The following DET1 variants were observed in gnomAD, a reference collection of about 807,000 sequenced individuals.
The protein encoded by DET1 is DET1 partner of COP1 E3 ubiquitin ligase, also known as DET1 homolog.
Under a neutral mutation model 43.7 loss-of-function variants are expected in DET1, and 22 were observed. The ratio of observed to expected loss-of-function variants is 0.50; its 90% CI spans 0.36 to 0.72. The LOEUF (loss-of-function observed/expected upper bound fraction) is 0.72. DET1 is among the 30% of genes least tolerant of loss of function. The probability of loss-of-function intolerance (pLI) is 0.00; values close to 1 mark genes in which losing one functional copy is unlikely to be tolerated. For synonymous variants in DET1, 315 were observed against 266.2 expected, an observed-to-expected ratio of 1.18 and a Z score of -1.79; for missense variants, 713 against 713.3, an observed-to-expected ratio of 1.00 and a Z score of 0.00.
chr15:88,509,334 G>C (rs745532865), downstream of DET1, among the ~76,000 whole-genome samples: 1 of 152,214 alleles, frequency 6.6e-6, no homozygotes, highest in Non-Finnish European at 1.5e-5. Context: ...GAGGGGTTTT[G>C]AAGTGAGAGG....
rs75714837 is a variant in DET1, at chr15:88,513,061, G to T, written c.1543C>A (p.Arg515=). The T allele has an allele frequency of 0.056, 90,765 of 1,613,996 alleles. 2,954 individuals carry two copies. Among genetic ancestry groups the T allele is most frequent in the Non-Finnish European group, 0.066 (78,259 of 1,179,848 alleles). Reference sequence around the variant, plus strand: ...TGAAAGGTGAAGGCAACAAGGCGTCGCACTGTGTGGTTGATGGGGCGGCCC... The same window carrying T: ...TGAAAGGTGAAGGCAACAAGGCGTCTCACTGTGTGGTTGATGGGGCGGCCC... ...LLGRPINHTV[R]RLVAFTFHPF... is the part of the protein sequence containing the mutation. The change falls in exon 5 of 5, where the codon CGA becomes AGA. Residue 515 remains arginine, a synonymous_variant. Coordinates refer to ENST00000268148, the MANE Select transcript of DET1 (RefSeq NM_001144074.3).
At chr15:88,510,255 T>C (rs2056183361), downstream of DET1, among the ~76,000 whole-genome samples, 1 of 152,140 alleles carries the variant, frequency 6.6e-6, no homozygotes, top group African/African-American at 2.4e-5. Flanking sequence ...ATAGGATCAA[T>C]GGAATGTATG....
At chr15:88,535,832 G>T (rs1345601266) in intron 1 of DET1, among the ~76,000 whole-genome samples, 4 of 151,830 alleles carry the variant, frequency 2.6e-5, no homozygotes, top group African/African-American at 9.7e-5. Flanking sequence ...AAAGAAGAAA[G>T]GAAGGGAGAG....
At chr15:88,526,786 C>T (rs2056675027) in intron 3 of DET1, among the ~76,000 whole-genome samples, 1 of 152,154 alleles carries the variant, frequency 6.6e-6, no homozygotes, top group Admixed American at 6.5e-5. Context: ...AATAAACTTC[C>T]AGCCTTTTGC....
chr15:88,544,748 G>A (rs986040757), intron 1 of DET1, among the ~76,000 whole-genome samples: 9 of 152,068 alleles, frequency 5.9e-5, no homozygotes, highest in Non-Finnish European at 1.2e-4. Context: ...CCCAGGCCTC[G>A]GTCAGGCCCC....
At chr15:88,536,770 CAAAAA>C (rs58177778) in intron 1 of DET1, among the ~76,000 whole-genome samples, 2 of 48,078 alleles carry the variant, frequency 4.2e-5, no homozygotes, top group African/African-American at 8.7e-5. Flanking sequence ...GACTCCATCT[CAAAAA>C]AAAAAAAAAA....
Position 88,513,623 on chromosome 15 carries a change from T to G in DET1, c.1464-483A>C, listed in dbSNP as rs544563063. Among the ~76,000 whole-genome samples the G allele has an allele frequency of 1.8e-4, 9 of 50,616 alleles. No individual in the cohort carries two copies. The East Asian group carries it at 2.5e-3, about 14-fold the overall frequency. 33.2% of individuals were successfully genotyped at this position (50,616 alleles called of 152,430 possible). On this transcript the variant is annotated intron_variant, in intron 4 of 4. Transcript: ENST00000268148. Reference sequence around the variant, plus strand: ...TAATCAATATCAAACTATTAGTGAGTTTTTTTTTTTTTTTTTTTGGAAATC... The same window carrying G: ...TAATCAATATCAAACTATTAGTGAGGTTTTTTTTTTTTTTTTTTGGAAATC...
chr15:88,525,490 G>A (rs1341435660), intron 3 of DET1, among the ~76,000 whole-genome samples: 2 of 152,132 alleles, frequency 1.3e-5, no homozygotes, highest in Non-Finnish European at 2.9e-5. Context: ...TCTAATTCCT[G>A]GATAACTTCA....
chr15:88,518,319 C>A (rs1223244608), intron 3 of DET1, among the ~76,000 whole-genome samples: 4 of 152,036 alleles, frequency 2.6e-5, no homozygotes, highest in African/African-American at 9.7e-5. Flanking sequence ...CTCCTACATG[C>A]AGAAAAATCT....
Position 88,531,509 on chromosome 15 carries a change from G to A in DET1, c.197C>T (p.Ser66Leu), listed in dbSNP as rs375280786. Reference protein sequence around the residue: ...EKPPCFLRKFSPDGRYFIAFS... With the variant: ...EKPPCFLRKFLPDGRYFIAFS... ...AGCAATAAAGTAGCGTCCATCAGGT[G>A]AGAATTTACGCAAGAAACAAGGAGG... Residue 66 changes from serine to leucine, a missense_variant, in exon 2 of 5, where the codon TCA becomes TTA. Physicochemically the swap from Ser to Leu is moderately radical, Grantham distance 145 (BLOSUM62 -2). Transcript: ENST00000268148. This position sits in a 1 kb window ranked among gnomAD's most constrained non-coding sequence, Gnocchi z 6.2. The A allele has an allele frequency of 1.9e-6, 3 of 1,614,044 alleles. No homozygotes were observed. Among genetic ancestry groups the A allele is most frequent in the South Asian group, 1.1e-5 (1 of 91,078 alleles).
rs561262584 is a variant in DET1 at position 88,543,710 on chromosome 15, G to A, written c.-11+2830C>T. ...TTGATCGCCCTCACTCAGGCTCTCC[G>A]ATGGGGTAAGGATAAACGTATTAAC... On this transcript the variant is annotated intron_variant, in intron 1 of 4. Coordinates refer to ENST00000268148, the MANE Select transcript of DET1 (RefSeq NM_001144074.3). Among the ~76,000 whole-genome samples the A allele has an allele frequency of 6.3e-4, 96 of 152,292 alleles. 1 individual carries two copies. In the South Asian group the frequency reaches 0.018, roughly 29 times the overall value.
At chr15:88,506,193 C>T (rs2056138921) in intron 7 of DET1, among the ~76,000 whole-genome samples, 1 of 152,112 alleles carries the variant, frequency 6.6e-6, no homozygotes, top group Non-Finnish European at 1.5e-5. Context: ...TCACATCGAC[C>T]CTGAAAAGTA....
chr15:88,520,100 C>T (rs2056449012), intron 3 of DET1, among the ~76,000 whole-genome samples: 1 of 152,326 alleles, frequency 6.6e-6, no homozygotes, highest in Non-Finnish European at 1.5e-5. Context: ...TAGCACCCAA[C>T]CCCTCTCATA....
chr15:88,503,276 A>C (rs1421328110), intron 8 of DET1: 1 of 152,144 alleles, frequency 6.6e-6, no homozygotes, highest in Admixed American at 6.5e-5. Flanking sequence ...AAAATAAAAA[A>C]TAAAATAAAA....
rs2056816755 is a variant in DET1 at position 88,531,605 on chromosome 15, G to A, written c.101C>T (p.Thr34Ile). ...RRRISSGKAG[T>I]HWHQVRVFHQ... ...GAACACTCGGACTTGGTGCCAGTGG[G>A]TACCTGCCTTGCCTGAACTGATCCG... The change falls in exon 2 of 5, where the codon ACC becomes ATC. Residue 34 changes from threonine to isoleucine, a missense_variant. Physicochemically the swap from Thr to Ile is moderately conservative, Grantham distance 89. Coordinates refer to ENST00000268148, the MANE Select transcript of DET1 (RefSeq NM_001144074.3). This position sits in a 1 kb window ranked among gnomAD's most constrained non-coding sequence, Gnocchi z 6.2. The A allele has an allele frequency of 2.5e-6, 4 of 1,614,014 alleles. No homozygotes were observed. Among genetic ancestry groups the A allele is most frequent in the African/African-American group, 1.3e-5 (1 of 75,044 alleles).
intron 4 of DET1, among the ~76,000 whole-genome samples, chr15:88,515,778 AGGACAGTGGTGG>A (rs1436867779): frequency 6.6e-6 from 1 of 152,086 alleles, no homozygotes; most frequent in Non-Finnish European, 1.5e-5. Flanking sequence ...AAAATAACCC[AGGACAGTGGTGG>A]GAAGGGGAGG....
chr15:88,517,770 G>A (rs145054803), intron 3 of DET1, among the ~76,000 whole-genome samples: 251 of 152,112 alleles, frequency 1.7e-3, no homozygotes, highest in African/African-American at 5.7e-3. Context: ...AATAAATTAC[G>A]CATTCTTTGT....
chr15:88,515,214 A>G (rs1345162218), intron 4 of DET1, among the ~76,000 whole-genome samples: 2 of 152,154 alleles, frequency 1.3e-5, no homozygotes, highest in African/African-American at 4.8e-5. Flanking sequence ...TTCATTGCAA[A>G]GAAAATAAAA....
rs2056791243 is a variant in DET1, at chr15:88,530,837, G to T, written c.869C>A (p.Pro290His). 1.2e-6 allele frequency: 2 copies of T among 1,613,910 alleles called. No individual in the cohort carries two copies. Among genetic ancestry groups the T allele is most frequent in the East Asian group, 2.2e-5 (1 of 44,876 alleles). The change falls in exon 2 of 5, where the codon CCT (proline) becomes CAT (histidine). Residue 290 changes from proline (P) to histidine (H), a missense_variant. Transcript: ENST00000268148. ...QTGMANPFRDPFINSLKHRLL... is the reference protein window; with the variant it reads ...QTGMANPFRDHFINSLKHRLL... ...CCGGTGTTTGAGGGAATTGATGAAA[G>T]GATCCCTAAAGGGATTGGCCATGCC...
Sources: gnomAD v4.1 joint callset for allele counts (sites outside exome capture counted in the v4.1 genomes callset) on GRCh38, gnomAD v4.1.1 for gene constraint, Gnocchi (gnomAD v3.1) non-coding constraint, MANE v1.5 for transcripts, NCBI Gene and HGNC (gene_info 2026-07-23, HGNC 2026-07-21) for gene names.